The following DOCK3 variants were observed in gnomAD, a reference collection of about 807,000 sequenced individuals.
DOCK3 encodes the protein dedicator of cytokinesis 3, also known as dedicator of cytokinesis protein 3.
Under a neutral mutation model 265.6 loss-of-function variants are expected in DOCK3, and 60 were observed. The ratio of observed to expected loss-of-function variants is 0.23; its 90% CI spans 0.18 to 0.28. The LOEUF is 0.28. DOCK3 is among the 10% of genes least tolerant of loss of function. The pLI, the probability that DOCK3 is intolerant of heterozygous loss-of-function variation, is 1.00. For synonymous variants in DOCK3, 881 were observed against 938.0 expected, an observed-to-expected ratio of 0.94 and a Z score of 1.11; for missense variants, 1,981 against 2,594.3, an observed-to-expected ratio of 0.76 and a Z score of 5.14.
intron 36 of DOCK3, 56 bp downstream of exon 36, chr3:51,338,475 C>A: frequency 6.5e-7 from 1 of 1,541,824 alleles, no homozygotes. Flanking sequence ...TTCTGTCCTG[C>A]ACTGTGATTG....
chr3:51,311,433 T>C (rs192392567), intron 28 of DOCK3, among the ~76,000 whole-genome samples: 3 of 152,232 alleles, frequency 2.0e-5, no homozygotes, highest in Non-Finnish European at 2.9e-5. Context: ...GTCCCTTCTA[T>C]GTGCCCAGGC....
At chr3:51,291,920 C>G (rs989895617) in intron 27 of DOCK3, among the ~76,000 whole-genome samples, 6 of 152,096 alleles carry the variant, frequency 3.9e-5, no homozygotes, top group African/African-American at 1.4e-4. Flanking sequence ...GGATTTATCG[C>G]TGGAATACAA....
chr3:50,965,174 G>C (rs2076992826), intron 5 of DOCK3, among the ~76,000 whole-genome samples: 1 of 151,958 alleles, frequency 6.6e-6, no homozygotes, highest in Non-Finnish European at 1.5e-5. Context: ...AAAACATCTG[G>C]AAAATCTTAA....
chr3:51,268,904 G>C (rs2080338024), intron 23 of DOCK3, among the ~76,000 whole-genome samples: 1 of 152,122 alleles, frequency 6.6e-6, no homozygotes, highest in Non-Finnish European at 1.5e-5. Context: ...AAAATATGGA[G>C]AGATTAGAGG....
intron 3 of DOCK3, among the ~76,000 whole-genome samples, chr3:50,869,460 T>C (rs2047333405): frequency 7.1e-6 from 1 of 141,636 alleles, no homozygotes; most frequent in African/African-American, 2.7e-5. Context: ...AACCTCTGCC[T>C]GCTAGGCTCA....
At chr3:51,159,117 C>T in intron 10 of DOCK3, 127 bp from the exon 11 acceptor site, 2 of 741,114 alleles carry the variant, frequency 2.7e-6, no homozygotes, top group Non-Finnish European at 4.5e-6. Flanking sequence ...CATTAAAGTG[C>T]TATATGCTGT....
At chr3:51,179,599 C>T (rs2087161484) in intron 12 of DOCK3, among the ~76,000 whole-genome samples, 1 of 152,146 alleles carries the variant, frequency 6.6e-6, no homozygotes, top group Non-Finnish European at 1.5e-5. Flanking sequence ...ATATAAATAT[C>T]TAATGTGCGT....
intron 7 of DOCK3, among the ~76,000 whole-genome samples, chr3:51,085,041 A>G (rs765032789): frequency 6.6e-6 from 1 of 152,226 alleles, no homozygotes; most frequent in Non-Finnish European, 1.5e-5. Context: ...TACTTATATC[A>G]GAGAAAATGG....
intron 2 of DOCK3, among the ~76,000 whole-genome samples, chr3:50,820,406 T>A (rs1478768104): frequency 6.6e-6 from 1 of 152,244 alleles, no homozygotes. Flanking sequence ...CTCACACTTA[T>A]AAGTGAGAAC....
Position 51,020,509 on chromosome 3 carries a change from A to G in DOCK3, c.316-43939A>G, listed in dbSNP as rs543243547. Among the ~76,000 whole-genome samples the G allele has an allele frequency of 2.8e-4, 43 of 151,830 alleles. No homozygotes were observed. In the South Asian group the frequency reaches 5.4e-3, roughly 19 times the overall value. On this transcript the variant is annotated intron_variant, in intron 5 of 52. Coordinates refer to ENST00000266037, the MANE Select transcript of DOCK3 (RefSeq NM_004947.5). ...TTTGTCAATTTTTGCTTTTTTTGCA[A>G]TTGCTTTTAGTGTTTTCATCACGAA...
chr3:51,088,218 G>T (rs1004091316), intron 7 of DOCK3, among the ~76,000 whole-genome samples: 3 of 152,128 alleles, frequency 2.0e-5, no homozygotes, highest in African/African-American at 7.2e-5. Context: ...AAAAAAATGT[G>T]CATCTCTTGG....
chr3:50,710,898 A>G (rs2036720743), intron 1 of DOCK3, among the ~76,000 whole-genome samples: 1 of 152,232 alleles, frequency 6.6e-6, no homozygotes, highest in Non-Finnish European at 1.5e-5. Flanking sequence ...GTGAAGTAAC[A>G]GAGGAATGGA....
At chr3:51,075,085 T>C (rs1436728049) in intron 6 of DOCK3, among the ~76,000 whole-genome samples, 1 of 152,152 alleles carries the variant, frequency 6.6e-6, no homozygotes, top group African/African-American at 2.4e-5. Context: ...CTTAATGAAC[T>C]CAAGCATGCT....
chr3:51,171,469 C>T (rs187191438), intron 12 of DOCK3, among the ~76,000 whole-genome samples: 2 of 152,200 alleles, frequency 1.3e-5, no homozygotes, highest in East Asian at 3.9e-4. Flanking sequence ...GTAATCTCAG[C>T]ACTTTGGGAG....
chr3:51,180,275 TG>T (rs1450204526), intron 12 of DOCK3, among the ~76,000 whole-genome samples: 3 of 151,812 alleles, frequency 2.0e-5, no homozygotes, highest in African/African-American at 7.3e-5. Flanking sequence ...AACTTGAATT[TG>T]AGATCATGGT....
chr3:51,312,678 G>A (rs2083148301), intron 30 of DOCK3, 102 bp downstream of exon 30: 1 of 1,293,590 alleles, frequency 7.7e-7, no homozygotes, highest in Non-Finnish European at 1.1e-6. Flanking sequence ...CAGCTGGGTG[G>A]TTTCCCAGGG....
chr3:50,933,285 C>T (rs2108161586), intron 4 of DOCK3, among the ~76,000 whole-genome samples: 1 of 152,312 alleles, frequency 6.6e-6, no homozygotes, highest in Middle Eastern at 3.4e-3. Context: ...ATTCCCTATT[C>T]AGACCAAGAG....
At chr3:51,140,363 T>C (rs2084994103) in intron 9 of DOCK3, among the ~76,000 whole-genome samples, 1 of 152,240 alleles carries the variant, frequency 6.6e-6, no homozygotes, top group Non-Finnish European at 1.5e-5. Context: ...TGTGTGGTCT[T>C]ATGTGATTGG....
intron 27 of DOCK3, among the ~76,000 whole-genome samples, chr3:51,284,219 A>G (rs1018161789): frequency 6.6e-6 from 1 of 152,150 alleles, no homozygotes; most frequent in Non-Finnish European, 1.5e-5. Context: ...GAGAAGCTGC[A>G]TATATATGAG....
Sources: allele counts gnomAD v4.1 joint callset (sites outside exome capture counted in the v4.1 genomes callset), GRCh38; gene constraint gnomAD v4.1.1; transcripts MANE v1.5; gene names NCBI Gene and HGNC (gene_info 2026-07-23, HGNC 2026-07-21).